Variants in FMN1 observed in about 807,000 individuals in gnomAD.
FMN1 encodes formin 1, also known as formin-1.
Under a neutral mutation model 132.4 loss-of-function variants are expected in FMN1, and 110 were observed. The observed-to-expected ratio is 0.83, with a 90% confidence interval of 0.71 to 0.97. The LOEUF (loss-of-function observed/expected upper bound fraction) is 0.97. FMN1 is among the 50% of genes least tolerant of loss of function. The pLI is 0.00. For synonymous variants in FMN1, 722 were observed against 651.7 expected, an observed-to-expected ratio of 1.11 and a Z score of -1.64; for missense variants, 1,792 against 1,705.3, an observed-to-expected ratio of 1.05 and a Z score of -0.90.
intron 7 of FMN1, among the ~76,000 whole-genome samples, chr15:32,971,725 TGAAA>T (rs1331173797): frequency 6.6e-6 from 1 of 152,216 alleles, no homozygotes; most frequent in East Asian, 1.9e-4. Flanking sequence ...CTTAATGATA[TGAAA>T]GAGTTTCAAA....
intron 4 of FMN1, among the ~76,000 whole-genome samples, chr15:33,099,576 G>A (rs893084136): frequency 4.1e-4 from 62 of 152,136 alleles, no homozygotes; most frequent in African/African-American, 1.5e-3. Flanking sequence ...AACCCTAAAA[G>A]AAGACAGTGA....
At chr15:33,121,445 A>C (rs183996827) in intron 4 of FMN1, among the ~76,000 whole-genome samples, 3 of 152,222 alleles carry the variant, frequency 2.0e-5, no homozygotes, top group African/African-American at 7.2e-5. Flanking sequence ...CCAGTATTAC[A>C]TGTAGTTCTA....
chr15:32,990,485 G>A (rs552266773), intron 7 of FMN1, among the ~76,000 whole-genome samples: 1 of 152,298 alleles, frequency 6.6e-6, no homozygotes, highest in African/African-American at 2.4e-5. Context: ...AATTCAAGTG[G>A]TAAGATAATT....
At chr15:32,833,935 A>T (rs2058564746) in intron 17 of FMN1, among the ~76,000 whole-genome samples, 1 of 152,166 alleles carries the variant, frequency 6.6e-6, no homozygotes, top group Non-Finnish European at 1.5e-5. Flanking sequence ...ACCTTACACT[A>T]AAAGGCAGCT....
At chr15:33,080,513 G>A (rs779748077) in intron 5 of FMN1, among the ~76,000 whole-genome samples, 3 of 152,218 alleles carry the variant, frequency 2.0e-5, no homozygotes, top group Non-Finnish European at 4.4e-5. Context: ...AGAACTTTGT[G>A]AGGCCAAGGC....
At chr15:33,087,100 G>C (rs1446856349) in intron 5 of FMN1, among the ~76,000 whole-genome samples, 1 of 152,230 alleles carries the variant, frequency 6.6e-6, no homozygotes, top group African/African-American at 2.4e-5. Context: ...ATCTGTGACA[G>C]GAAACTGGAT....
At chr15:33,114,711 A>G (rs1299404055) in intron 4 of FMN1, among the ~76,000 whole-genome samples, 3 of 152,138 alleles carry the variant, frequency 2.0e-5, no homozygotes, top group African/African-American at 7.2e-5. Flanking sequence ...CTCCTAAACT[A>G]TAAACTCCAT....
chr15:33,114,367 G>T (rs2039830629), intron 4 of FMN1, among the ~76,000 whole-genome samples: 1 of 152,212 alleles, frequency 6.6e-6, no homozygotes, highest in African/African-American at 2.4e-5. Context: ...CTGGCTGCCT[G>T]AACATTTAGA....
intron 3 of FMN1, among the ~76,000 whole-genome samples, chr15:33,163,277 TG>T (rs1037561669): frequency 1.1e-4 from 16 of 151,142 alleles, no homozygotes; most frequent in Non-Finnish European, 1.9e-4. Context: ...TTTGCTATTT[TG>T]GTTTCTTGTC....
intron 2 of FMN1, among the ~76,000 whole-genome samples, chr15:33,183,457 T>C (rs567798865): frequency 1.3e-5 from 2 of 152,356 alleles, no homozygotes; most frequent in East Asian, 3.9e-4. Flanking sequence ...TATATGTTGA[T>C]TGCTCTTACT....
At chr15:32,908,242 A>G (rs914297228) in intron 12 of FMN1, 8 of 398,350 alleles carry the variant, frequency 2.0e-5, no homozygotes, top group African/African-American at 1.6e-4. Flanking sequence ...ACAAGTTGCT[A>G]GAAAAAGAAA....
chr15:33,095,482 G>A (rs914733525), intron 4 of FMN1, among the ~76,000 whole-genome samples: 1 of 152,102 alleles, frequency 6.6e-6, no homozygotes, highest in Non-Finnish European at 1.5e-5. Flanking sequence ...TGTAGCCTTG[G>A]CCTCCTGTGC....
intron 10 of FMN1, 24 bp from the exon 11 acceptor site, chr15:32,910,559 G>A: frequency 6.5e-7 from 1 of 1,544,830 alleles, no homozygotes; most frequent in Non-Finnish European, 8.8e-7. Context: ...AAAAAGAAAA[G>A]AGGATAAGGG....
At chr15:32,903,630 T>C (rs976525022) in intron 12 of FMN1, among the ~76,000 whole-genome samples, 2 of 152,134 alleles carry the variant, frequency 1.3e-5, no homozygotes, top group African/African-American at 4.8e-5. Flanking sequence ...AGACACCACC[T>C]GGGAAAATAT....
intron 9 of FMN1, among the ~76,000 whole-genome samples, chr15:32,948,291 CAT>C (rs773903775): frequency 2.0e-5 from 3 of 151,834 alleles, no homozygotes; most frequent in Non-Finnish European, 4.4e-5. Flanking sequence ...AATTATCAAA[CAT>C]TTTTTTATAT....
At chr15:32,789,185 T>C (rs556707623) in intron 19 of FMN1, among the ~76,000 whole-genome samples, 1 of 152,326 alleles carries the variant, frequency 6.6e-6, no homozygotes, top group East Asian at 1.9e-4. Flanking sequence ...CAAGACATTG[T>C]AATTATCTTC....
At chr15:33,191,461 G>A (rs1038906556) in intron 2 of FMN1, among the ~76,000 whole-genome samples, 8 of 152,192 alleles carry the variant, frequency 5.3e-5, no homozygotes, top group African/African-American at 1.9e-4. Flanking sequence ...GGCCAGTGGG[G>A]AGGTAAGGAT....
intron 4 of FMN1, among the ~76,000 whole-genome samples, chr15:33,092,277 A>G (rs891337047): frequency 6.6e-6 from 1 of 152,176 alleles, no homozygotes; most frequent in African/African-American, 2.4e-5. Flanking sequence ...AGGTAATAAT[A>G]TGCCATTTAA....
intron 7 of FMN1, among the ~76,000 whole-genome samples, chr15:32,998,265 T>C (rs2033896284): frequency 6.6e-6 from 1 of 152,166 alleles, no homozygotes; most frequent in Non-Finnish European, 1.5e-5. Context: ...ATACTGTGAG[T>C]CATGAAAAAA....
Sources: allele counts gnomAD v4.1 joint callset (sites outside exome capture counted in the v4.1 genomes callset), GRCh38; gene constraint gnomAD v4.1.1; transcripts MANE v1.5; gene names NCBI Gene and HGNC (gene_info 2026-07-23, HGNC 2026-07-21).